PCDHGA1: variants seen among roughly 807,000 people sequenced by gnomAD.
PCDHGA1 encodes protocadherin gamma-A1.
In PCDHGA1, 32 loss-of-function variants were observed where a neutral mutation model predicts 58.0. The observed-to-expected ratio is 0.55, with a 90% CI of 0.42 to 0.74. PCDHGA1 has a LOEUF of 0.74. Ranked by LOEUF, PCDHGA1 falls within the 30% of genes least tolerant of loss-of-function variation. The pLI is 0.00. For synonymous variants in PCDHGA1, 498 were observed against 501.1 expected (o/e 0.99, Z 0.08); for missense variants, 1,205 against 1,182.3 (o/e 1.02, Z -0.28).
intron 1 of PCDHGA1, chr5:141,421,833 C>A: frequency 6.2e-7 from 1 of 1,613,756 alleles, no homozygotes; most frequent in South Asian, 1.1e-5. Context: ...GAAGCCTGGA[C>A]CGAGAGAAAG....
intron 1 of PCDHGA1, among the ~76,000 whole-genome samples, chr5:141,335,548 A>C (rs775654879): frequency 6.6e-6 from 1 of 152,178 alleles, no homozygotes; most frequent in African/African-American, 2.4e-5. Context: ...ACATAATTCC[A>C]TAAGAAATAA....
chr5:141,428,180 C>A, intron 1 of PCDHGA1: 1 of 1,486,268 alleles, frequency 6.7e-7, no homozygotes, highest in Non-Finnish European at 9.2e-7. Flanking sequence ...TGACGGAGGA[C>A]AGCCGCCGCT....
At chr5:141,445,782 G>A (rs530081823) in intron 1 of PCDHGA1, among the ~76,000 whole-genome samples, 1 of 152,310 alleles carries the variant, frequency 6.6e-6, no homozygotes, top group East Asian at 1.9e-4. Flanking sequence ...AAGGGCTAGG[G>A]AGGCTAGAAA....
At chr5:141,458,217 T>C (rs1026901943) in intron 1 of PCDHGA1, among the ~76,000 whole-genome samples, 1 of 152,210 alleles carries the variant, frequency 6.6e-6, no homozygotes, top group Admixed American at 6.5e-5. Context: ...AAAATAAGTT[T>C]CCTTTCCCAG....
In PCDHGA1 at chr5:141,372,730, ATCT is replaced by A. The variant is rs751345248; in HGVS notation, c.2421+39629_2421+39631del. On this transcript the variant is annotated intron_variant, in intron 1 of 3. Transcript: ENST00000517417. ...AAGGCTGAAAATGCTGCACCACAAG[ATCT>A]TCTATGTGATGAAGCCTCTTGGTTT... 33 of 1,613,530 alleles carry A rather than the reference ATCT, an allele frequency of 2.0e-5. No homozygotes were observed. In the East Asian group the frequency reaches 7.1e-4, roughly 35 times the overall value.
intron 1 of PCDHGA1, chr5:141,342,011 A>G (rs73265812): frequency 6.5e-6 from 1 of 154,276 alleles, no homozygotes; most frequent in African/African-American, 2.4e-5. Flanking sequence ...TTAGTTTTAA[A>G]AATCACATTA....
chr5:141,381,555 T>C (rs992456160), intron 1 of PCDHGA1, among the ~76,000 whole-genome samples: 2 of 152,192 alleles, frequency 1.3e-5, no homozygotes, highest in African/African-American at 4.8e-5. Flanking sequence ...TTGAATTGAA[T>C]TGCATAATGA....
At chr5:141,383,600 A>G (rs1429825116) in intron 1 of PCDHGA1, 2 of 1,613,728 alleles carry the variant, frequency 1.2e-6, no homozygotes, top group South Asian at 2.2e-5. Flanking sequence ...ACAGTGGTGG[A>G]TGTGAATGAC....
At chr5:141,367,902 T>C (rs1249968582) in intron 1 of PCDHGA1, 1 of 152,146 alleles carries the variant, frequency 6.6e-6, no homozygotes, top group Non-Finnish European at 1.5e-5. Context: ...TTTAAGGTTG[T>C]ATTTGAAAAA....
Position 141,422,656 on chromosome 5 carries a change from G to T in PCDHGA1, c.2422-72151G>T, listed in dbSNP as rs759548203. The T allele has an allele frequency of 7.5e-6, 12 of 1,609,898 alleles. 1 individual carries two copies. The African/African-American group carries it at 1.1e-4, about 14-fold the overall frequency. On this transcript the variant is annotated intron_variant, in intron 1 of 3. Transcript: ENST00000517417. The stretch of plus-strand genomic sequence containing the variant: ...GGGTGCCTCCATCTTCTCAGTGACC[G>T]CCCTCGACCCGGACAGCAAACAGAA...
At chr5:141,403,972 A>G in intron 1 of PCDHGA1, 1 of 1,613,968 alleles carries the variant, frequency 6.2e-7, no homozygotes, top group East Asian at 2.2e-5. Flanking sequence ...TGGAAGATGT[A>G]AATGACAATA....
At chr5:141,414,148 G>C in intron 1 of PCDHGA1, 7 of 1,598,900 alleles carry the variant, frequency 4.4e-6, no homozygotes, top group Non-Finnish European at 6.0e-6. Flanking sequence ...AGAAATACAA[G>C]CAGAAGATGG....
chr5:141,377,101 A>G (rs6895700), intron 1 of PCDHGA1: 15,808 of 152,272 alleles, frequency 0.1, 1,337 homozygotes, highest in African/African-American at 0.24. Flanking sequence ...CTTTTATATC[A>G]AAAGAATGTT....
chr5:141,340,083 T>A, intron 1 of PCDHGA1: 1 of 1,614,076 alleles, frequency 6.2e-7, no homozygotes, highest in South Asian at 1.1e-5. Context: ...CTTTTTAATG[T>A]ACATGATAGA....
chr5:141,385,205 T>A, intron 1 of PCDHGA1: 1 of 1,614,228 alleles, frequency 6.2e-7, no homozygotes, highest in Non-Finnish European at 8.5e-7. Flanking sequence ...AGTCACCTGA[T>A]CTTCCCCCAG....
intron 1 of PCDHGA1, chr5:141,415,234 A>G: frequency 1.2e-6 from 2 of 1,614,136 alleles, no homozygotes; most frequent in Non-Finnish European, 1.7e-6. Context: ...GTCTCCAGCT[A>G]ACTCTGAAAC....
chr5:141,482,917 C>CA (rs761402624), intron 1 of PCDHGA1, among the ~76,000 whole-genome samples: 5 of 152,042 alleles, frequency 3.3e-5, no homozygotes, highest in Non-Finnish European at 7.4e-5. Context: ...ATTAAAAATA[C>CA]AAAAAATTAG....
In PCDHGA1 at chr5:141,415,509, T is replaced by C. The variant is rs1296405723; in HGVS notation, c.2422-79298T>C. The C allele has an allele frequency of 4.3e-6, 7 of 1,614,054 alleles. No individual in the cohort carries two copies. In the Admixed American group the frequency reaches 5.0e-5, roughly 12 times the overall value. On this transcript the variant is annotated intron_variant, in intron 1 of 3. Transcript: ENST00000517417. ...GTCACCTGATCTTCCCCCAGCCCAA[T>C]TATGCGGACACGCTCATCAGCCAGG...
chr5:141,408,230 C>G (rs1470965375), intron 1 of PCDHGA1: 1 of 1,566,168 alleles, frequency 6.4e-7, no homozygotes, highest in Non-Finnish European at 8.7e-7. Flanking sequence ...GCAGAGGCGC[C>G]GGGCCGGCCC....
Sources: allele counts gnomAD v4.1 joint callset (sites outside exome capture counted in the v4.1 genomes callset), GRCh38; gene constraint gnomAD v4.1.1; transcripts MANE v1.5; gene names NCBI Gene and HGNC (gene_info 2026-07-23, HGNC 2026-07-21).